CEP126: variants seen among roughly 807,000 people sequenced by gnomAD.
CEP126 encodes the protein centrosomal protein 126, also known as centrosomal protein of 126 kDa.
A neutral mutation model predicts 107.8 loss-of-function variants in CEP126; 74 were observed. That is an observed-to-expected ratio of 0.69 (90% CI 0.57 to 0.83). The LOEUF (loss-of-function observed/expected upper bound fraction) is 0.83. Among genes scored for constraint, CEP126 ranks in the 40% least tolerant of loss-of-function variants. The probability of loss-of-function intolerance (pLI) is 0.00; values close to 1 mark genes in which losing one functional copy is unlikely to be tolerated. For synonymous variants in CEP126, 449 were observed against 446.0 expected, an observed-to-expected ratio of 1.01 and a Z score of -0.08; for missense variants, 1,237 against 1,281.9, an observed-to-expected ratio of 0.96 and a Z score of 0.53.
intron 4 of CEP126, among the ~76,000 whole-genome samples, chr11:101,957,591 A>G (rs1028078077): frequency 6.6e-6 from 1 of 152,206 alleles, no homozygotes; most frequent in Non-Finnish European, 1.5e-5. Context: ...TCCTGTTTAT[A>G]TTCCTGAAAT....
chr11:101,958,352 C>A lies in CEP126; in HGVS notation c.691C>A (p.Leu231Ile). Residue 231 changes from leucine to isoleucine, a missense_variant, in exon 5 of 11, where the codon CTA becomes ATA. By Grantham distance (5) the Leu-to-Ile change is conservative. This residue lies in a region of CEP126 where 1,134 missense variants were observed against 1,150.5 expected (regional missense o/e 0.99). Coordinates refer to ENST00000263468, the MANE Select transcript of CEP126 (RefSeq NM_020802.4). The part of the protein sequence containing the change: ...ETQKLLEDQH[L>I]SNLQKFCDEV... The stretch of plus-strand genomic sequence containing the variant: ...TCAGAAACTCCTCGAAGATCAACAT[C>A]TAAGCAATTTGCAAGTATGAAACTA... The A allele has an allele frequency of 6.2e-7, 1 of 1,613,186 alleles. No homozygotes were observed. Among genetic ancestry groups the A allele is most frequent in the Non-Finnish European group, 8.5e-7 (1 of 1,179,570 alleles).
intron 2 of CEP126, among the ~76,000 whole-genome samples, chr11:101,940,271 G>T (rs1342614233): frequency 6.6e-6 from 1 of 152,180 alleles, no homozygotes; most frequent in African/African-American, 2.4e-5. Context: ...TTACTAGGAA[G>T]ATTTTAATAT....
chr11:101,997,016 T>C (rs1341003763), intron 10 of CEP126, among the ~76,000 whole-genome samples: 2 of 152,190 alleles, frequency 1.3e-5, no homozygotes, highest in African/African-American at 4.8e-5. Context: ...ATTTATCATT[T>C]CACTTTGAAC....
intron 9 of CEP126, among the ~76,000 whole-genome samples, chr11:101,988,982 AT>A (rs1161490416): frequency 6.6e-6 from 1 of 152,170 alleles, no homozygotes; most frequent in Non-Finnish European, 1.5e-5. Context: ...ATGTATAAAA[AT>A]TGACTATGAT....
intron 7 of CEP126, 103 bp from the exon 8 acceptor site, chr11:101,981,786 G>C: frequency 1.6e-6 from 1 of 624,570 alleles, no homozygotes; most frequent in Non-Finnish European, 2.8e-6. Flanking sequence ...AACAATTGTA[G>C]CTAAAAATAT....
At chr11:101,974,428 A>G (rs1443039833) in intron 6 of CEP126, among the ~76,000 whole-genome samples, 1 of 152,174 alleles carries the variant, frequency 6.6e-6, no homozygotes, top group Non-Finnish European at 1.5e-5. Context: ...AGTAAACAGA[A>G]CTGAAATGAA....
intron 8 of CEP126, 38 bp from the exon 9 acceptor site, chr11:101,986,792 CAA>C: frequency 6.7e-7 from 1 of 1,500,196 alleles, no homozygotes; most frequent in Non-Finnish European, 9.3e-7. Context: ...ATCTCAAAGA[CAA>C]AAGGGGTTCA....
chr11:101,943,920 A>T (rs1940701008), intron 2 of CEP126, among the ~76,000 whole-genome samples: 1 of 152,114 alleles, frequency 6.6e-6, no homozygotes, highest in East Asian at 1.9e-4. Context: ...TTCACTAATG[A>T]ATTCATTCTT....
At chr11:101,931,089 C>T (rs760653729) in intron 2 of CEP126, among the ~76,000 whole-genome samples, 3 of 152,002 alleles carry the variant, frequency 2.0e-5, no homozygotes, top group Admixed American at 1.3e-4. Flanking sequence ...TTTGTTAGAA[C>T]TGAAATCTAA....
intron 1 of CEP126, among the ~76,000 whole-genome samples, chr11:101,921,445 G>A (rs1214759426): frequency 6.6e-6 from 1 of 151,822 alleles, no homozygotes; most frequent in Non-Finnish European, 1.5e-5. Flanking sequence ...GGTGGCTCAC[G>A]CCTGTAATCA....
chr11:101,933,418 G>T (rs1221524795), intron 2 of CEP126, among the ~76,000 whole-genome samples: 1 of 152,088 alleles, frequency 6.6e-6, no homozygotes, highest in Admixed American at 6.6e-5. Context: ...GTAGAATCAG[G>T]CTGCCTAGTT....
intron 4 of CEP126, among the ~76,000 whole-genome samples, chr11:101,957,542 T>A (rs1940915178): frequency 6.6e-6 from 1 of 152,186 alleles, no homozygotes; most frequent in Non-Finnish European, 1.5e-5. Context: ...GACTCTATAT[T>A]AAGGGTACGC....
At chr11:101,919,027 G>A (rs1447241078) in intron 1 of CEP126, among the ~76,000 whole-genome samples, 2 of 152,190 alleles carry the variant, frequency 1.3e-5, no homozygotes, top group African/African-American at 4.8e-5. Flanking sequence ...TTATAGAATG[G>A]TTTATATATA....
At chr11:101,992,755 G>T in intron 9 of CEP126, 23 bp from the exon 10 acceptor site, 2 of 1,223,074 alleles carry the variant, frequency 1.6e-6, no homozygotes, top group Non-Finnish European at 2.3e-6. Context: ...AATTATTTTG[G>T]TATTGTGATA....
intron 6 of CEP126, among the ~76,000 whole-genome samples, chr11:101,970,111 C>A (rs186494486): frequency 2.0e-5 from 3 of 152,200 alleles, no homozygotes; most frequent in Admixed American, 2.0e-4. Flanking sequence ...AAAACCATTA[C>A]CAGATTGAAA....
intron 2 of CEP126, among the ~76,000 whole-genome samples, chr11:101,935,069 T>G (rs770804608): frequency 9.2e-5 from 14 of 152,108 alleles, no homozygotes; most frequent in Non-Finnish European, 2.1e-4. Flanking sequence ...TCAGCCTTTT[T>G]AATTTTAGCT....
chr11:101,936,121 C>A (rs1940575153), intron 2 of CEP126, among the ~76,000 whole-genome samples: 1 of 152,052 alleles, frequency 6.6e-6, no homozygotes, highest in Non-Finnish European at 1.5e-5. Context: ...GATAACAATT[C>A]TAATTGCATT....
At chr11:101,945,115 T>A (rs1940717739) in intron 3 of CEP126, among the ~76,000 whole-genome samples, 1 of 152,134 alleles carries the variant, frequency 6.6e-6, no homozygotes, top group South Asian at 2.1e-4. Context: ...GCAATGTCAA[T>A]AACATAATGA....
chr11:101,974,289 A>C (rs1216314041), intron 6 of CEP126, among the ~76,000 whole-genome samples: 1 of 152,226 alleles, frequency 6.6e-6, no homozygotes, highest in African/African-American at 2.4e-5. Context: ...TTAAGGAATT[A>C]TAAACAAACT....
Sources: gnomAD v4.1 joint callset for allele counts (sites outside exome capture counted in the v4.1 genomes callset) on GRCh38, gnomAD v4.1.1 for gene constraint, gnomAD v4.1.1 regional missense constraint, MANE v1.5 for transcripts, NCBI Gene and HGNC (gene_info 2026-07-23, HGNC 2026-07-21) for gene names.